Variants in ESRRG observed in about 807,000 individuals in gnomAD.
ESRRG encodes the protein estrogen-related receptor gamma.
ESRRG carries 13 observed loss-of-function variants against 44.0 expected under a neutral mutation model. The observed-to-expected ratio is 0.30, with a 90% CI of 0.19 to 0.47. ESRRG has a LOEUF of 0.47. Among genes scored for constraint, ESRRG ranks in the 20% least tolerant of loss-of-function variants. The probability of loss-of-function intolerance (pLI) is 1.00; values close to 1 mark genes in which losing one functional copy is unlikely to be tolerated. For synonymous variants in ESRRG, 215 were observed against 214.6 expected (o/e 1.00, Z -0.02); for missense variants, 395 against 580.6 (o/e 0.68, Z 3.29).
At chr1:217,069,950 A>C (rs1302378603) in intron 1 of ESRRG, among the ~76,000 whole-genome samples, 1 of 152,180 alleles carries the variant, frequency 6.6e-6, no homozygotes, top group Non-Finnish European at 1.5e-5. Context: ...CAAAACCTAC[A>C]AAAAATGGTC....
intron 1 of ESRRG, among the ~76,000 whole-genome samples, chr1:217,045,706 TGTC>T (rs373904733): frequency 3.9e-4 from 60 of 152,200 alleles, no homozygotes; most frequent in African/African-American, 1.3e-3. Context: ...CGACGGCAGT[TGTC>T]GTTTTTTTTT....
intron 1 of ESRRG, chr1:217,000,436 G>A (rs2076879523): frequency 6.6e-6 from 1 of 152,236 alleles, no homozygotes; most frequent in South Asian, 2.1e-4. Context: ...CCTTGTCCCT[G>A]TGTCCAAATT....
At position 217,075,572 on chromosome 1, in the gene ESRRG, G is replaced by A. The variant is rs116743281; in HGVS notation, c.-106+13935C>T. Among the ~76,000 whole-genome samples, 1,127 of 148,854 alleles carry A rather than the reference G, an allele frequency of 7.6e-3. 10 individuals are homozygous for A. Among genetic ancestry groups the A allele is most frequent in the African/African-American group, 0.022 (897 of 40,352 alleles). On this transcript the variant is annotated intron_variant, in intron 1 of 7. Coordinates refer to the ESRRG transcript ENST00000359162. Reference sequence around the variant, plus strand: ...ACTTATACTTGGTGTTCCCACACTCGCTTCAAATTGCTCCTTTCCCCCCCC... The same window carrying A: ...ACTTATACTTGGTGTTCCCACACTCACTTCAAATTGCTCCTTTCCCCCCCC...
intron 2 of ESRRG, among the ~76,000 whole-genome samples, chr1:216,735,988 AT>A (rs66800539): frequency 0.28 from 29,065 of 104,634 alleles, 3,427 homozygotes; most frequent in South Asian, 0.43. Flanking sequence ...TCAAAAAAAA[AT>A]ATATATATAT....
chr1:217,089,799 C>A (rs977374848), upstream of ESRRG, among the ~76,000 whole-genome samples: 1 of 152,048 alleles, frequency 6.6e-6, no homozygotes, highest in Non-Finnish European at 1.5e-5. Context: ...AGCCGGGCTG[C>A]GAGGGGCAGA....
At chr1:216,741,598 T>C (rs2090744525) in intron 2 of ESRRG, among the ~76,000 whole-genome samples, 1 of 152,150 alleles carries the variant, frequency 6.6e-6, no homozygotes, top group Non-Finnish European at 1.5e-5. Flanking sequence ...TATTAAACTG[T>C]AAGCTACTTG....
At chr1:217,093,926 A>G (rs2092387532), upstream of ESRRG, among the ~76,000 whole-genome samples, 1 of 152,092 alleles carries the variant, frequency 6.6e-6, no homozygotes, top group African/African-American at 2.4e-5. Context: ...TCTGTATTCC[A>G]GGCTGGAGTG....
intron 2 of ESRRG, among the ~76,000 whole-genome samples, chr1:216,855,915 G>A (rs1239340099): frequency 6.6e-6 from 1 of 152,070 alleles, no homozygotes; most frequent in Non-Finnish European, 1.5e-5. Flanking sequence ...ATCTCAATTT[G>A]AGTGAAGGCA....
chr1:216,899,396 C>A (rs1490613223), intron 2 of ESRRG, among the ~76,000 whole-genome samples: 1 of 152,188 alleles, frequency 6.6e-6, no homozygotes, highest in Non-Finnish European at 1.5e-5. Flanking sequence ...TTCTACTCTT[C>A]ATCCACTAAT....
intron 2 of ESRRG, among the ~76,000 whole-genome samples, chr1:216,915,097 G>A (rs1282072755): frequency 1.3e-5 from 2 of 152,210 alleles, no homozygotes; most frequent in Admixed American, 6.5e-5. Context: ...AACATGGGAG[G>A]GTCCCCAGAA....
intron 2 of ESRRG, among the ~76,000 whole-genome samples, chr1:216,662,626 T>TTGG (rs559026769): frequency 1.3e-4 from 19 of 150,992 alleles, no homozygotes; most frequent in African/African-American, 3.4e-4. Flanking sequence ...GCAGGGAGAG[T>TTGG]GGGGGGGTTC....
chr1:217,044,353 A>G (rs765411555), intron 1 of ESRRG, among the ~76,000 whole-genome samples: 16 of 152,094 alleles, frequency 1.1e-4, no homozygotes, highest in Non-Finnish European at 1.5e-4. Context: ...CCATCTGTAC[A>G]CACTCACTGT....
At chr1:216,865,278 CA>C (rs761370784) in intron 2 of ESRRG, 2 of 147,340 alleles carry the variant, frequency 1.4e-5, no homozygotes, top group Non-Finnish European at 1.5e-5. Flanking sequence ...GATTTTGTAG[CA>C]CCTCAGAACT....
intron 2 of ESRRG, among the ~76,000 whole-genome samples, chr1:216,730,590 A>G (rs1052655031): frequency 6.6e-6 from 1 of 152,184 alleles, no homozygotes; most frequent in Non-Finnish European, 1.5e-5. Flanking sequence ...ATTCCTGTCA[A>G]TGTTATAGGA....
In ESRRG at chr1:216,507,136, C is replaced by A; in HGVS notation, c.1180G>T (p.Val394Phe). The A allele has an allele frequency of 6.2e-7, 1 of 1,613,204 alleles. No homozygotes were observed. Among genetic ancestry groups the A allele is most frequent in the Non-Finnish European group, 8.5e-7 (1 of 1,179,582 alleles). ...TAATCCTGCAGCGCTTCATGTAAGA[C>A]ATCCTGAAGCTTCTGAACGGCTTCA... ...DVEAVQKLQD[V>F]LHEALQDYEA... The change falls in exon 7 of 7, where the codon GTC becomes TTC. Residue 394 changes from valine (V) to phenylalanine (F), a missense_variant. Around this residue, in one of 5 missense-constraint regions of ESRRG, gnomAD observed 167 missense variants for 251.8 expected, o/e 0.66. Transcript: ENST00000408911.
intron 1 of ESRRG, among the ~76,000 whole-genome samples, chr1:217,032,562 A>T (rs926829583): frequency 6.6e-6 from 1 of 152,210 alleles, no homozygotes; most frequent in Admixed American, 6.5e-5. Context: ...ACTCAACATG[A>T]TCCAGCTTCT....
chr1:217,051,802 G>T lies in ESRRG; in HGVS notation c.-106+37705C>A, dbSNP rs187309657. ...TTTAAAGACAGGGTCTCACTTTGTT[G>T]GCCTGGCTGGAGTGCAGTAGCACAA... On this transcript the variant is annotated intron_variant, in intron 1 of 7. Transcript: ENST00000359162. Among the ~76,000 whole-genome samples the T allele has an allele frequency of 2.1e-3, 318 of 152,166 alleles. 2 individuals are homozygous for T. Among genetic ancestry groups the T allele is most frequent in the African/African-American group, 6.5e-3 (272 of 41,530 alleles).
intron 5 of ESRRG, among the ~76,000 whole-genome samples, chr1:216,557,476 G>C (rs1478241954): frequency 6.6e-6 from 1 of 152,136 alleles, no homozygotes; most frequent in East Asian, 1.9e-4. Flanking sequence ...TATACTATGT[G>C]TCTAAGTATC....
intron 1 of ESRRG, among the ~76,000 whole-genome samples, chr1:217,115,825 T>G (rs1384581605): frequency 6.6e-6 from 1 of 152,154 alleles, no homozygotes; most frequent in Non-Finnish European, 1.5e-5. Flanking sequence ...TATTGCTCAC[T>G]AAGTATCTCT....
Sources: allele counts gnomAD v4.1 joint callset (sites outside exome capture counted in the v4.1 genomes callset), GRCh38; gene constraint gnomAD v4.1.1; regional missense constraint gnomAD v4.1.1; transcripts MANE v1.5; gene names NCBI Gene and HGNC (gene_info 2026-07-23, HGNC 2026-07-21).